EYS: variants seen among roughly 807,000 people sequenced by gnomAD.
EYS encodes the protein EGF-like photoreceptor maintenance factor.
A neutral mutation model predicts 282.1 loss-of-function variants in EYS; 250 were observed. That is an observed-to-expected ratio of 0.89 (90% CI 0.80 to 0.98). The LOEUF (loss-of-function observed/expected upper bound fraction) is 0.98. EYS is among the 50% of genes least tolerant of loss of function. EYS has a pLI of 0.00. For synonymous variants in EYS, 1,355 were observed against 1,282.9 expected, an observed-to-expected ratio of 1.06 and a Z score of -1.20; for missense variants, 4,016 against 3,709.0, an observed-to-expected ratio of 1.08 and a Z score of -2.15.
intron 22 of EYS, among the ~76,000 whole-genome samples, chr6:64,788,891 T>C (rs1222776557): frequency 6.6e-6 from 1 of 152,212 alleles, no homozygotes; most frequent in Non-Finnish European, 1.5e-5. Flanking sequence ...TTTTGTAGTG[T>C]TTGTGGAGTT....
At chr6:65,471,034 G>T (rs1182252056) in intron 5 of EYS, among the ~76,000 whole-genome samples, 2 of 151,948 alleles carry the variant, frequency 1.3e-5, no homozygotes, top group Non-Finnish European at 1.5e-5. Flanking sequence ...CTACTTGGGA[G>T]ACTGAGGCAG....
intron 14 of EYS, among the ~76,000 whole-genome samples, chr6:64,983,815 C>T (rs1368020087): frequency 1.3e-5 from 2 of 151,090 alleles, no homozygotes; most frequent in Non-Finnish European, 3.0e-5. Context: ...CTCCTGTACG[C>T]TAGTCCTTAA....
rs1315419046 is a variant in EYS at position 65,401,444 on chromosome 6, C to T, written c.1184+1034G>A. Among the ~76,000 whole-genome samples, 6 of 150,414 alleles carry T rather than the reference C, an allele frequency of 4.0e-5. No individual in the cohort carries two copies. In the East Asian group the frequency reaches 9.7e-4, roughly 24 times the overall value. ...TTTTCTAAGTACATTCACTAATCTA[C>T]TAGCACATTGAGGCATAGAAATAGA... is the stretch of plus-strand genomic sequence containing the variant. On this transcript the variant is annotated intron_variant, in intron 7 of 42. Transcript: ENST00000503581.
rs550089161 is a variant in EYS, at chr6:65,502,766, T to G, written c.-332-6773A>C. Among the ~76,000 whole-genome samples the G allele has an allele frequency of 7.0e-4, 106 of 151,764 alleles. 1 individual carries two copies. In the South Asian group the frequency reaches 0.022, roughly 31 times the overall value. ...GTATTTGTAGAAAACCCTGCAGTTATGATTCATCTGATTTCTTTTCCATTG... is the reference window on the plus strand; with the variant it reads ...GTATTTGTAGAAAACCCTGCAGTTAGGATTCATCTGATTTCTTTTCCATTG... On this transcript the variant is annotated intron_variant, in intron 2 of 42. Transcript: ENST00000503581.
rs745978966 is a variant in EYS, at chr6:64,907,516, A to G, written c.2641+4968T>C. Reference sequence around the variant, plus strand: ...CATGAACTTAGTTAAGAAGTGAGATATATTGGTAACCCAGCTGAGAGGGAT... The same window carrying G: ...CATGAACTTAGTTAAGAAGTGAGATGTATTGGTAACCCAGCTGAGAGGGAT... On this transcript the variant is annotated intron_variant, in intron 16 of 42. Coordinates refer to ENST00000503581, the MANE Select transcript of EYS (RefSeq NM_001142800.2). Among the ~76,000 whole-genome samples the G allele has an allele frequency of 1.4e-4, 21 of 152,356 alleles. 1 individual carries two copies. Among genetic ancestry groups the G allele is most frequent in the Non-Finnish European group, 2.5e-4 (17 of 68,030 alleles).
intron 30 of EYS, among the ~76,000 whole-genome samples, chr6:64,274,121 T>C (rs538377553): frequency 2.0e-5 from 3 of 152,224 alleles, no homozygotes; most frequent in Non-Finnish European, 2.9e-5. Flanking sequence ...AGGTATTCAC[T>C]TTCAGGTCTA....
intron 12 of EYS, among the ~76,000 whole-genome samples, chr6:65,170,434 GA>G (rs922151723): frequency 6.6e-6 from 1 of 151,534 alleles, no homozygotes; most frequent in Non-Finnish European, 1.5e-5. Context: ...AAGTGGGAAT[GA>G]AAATGAAAGC....
At chr6:64,317,494 CAGTT>C (rs200311234) in intron 29 of EYS, among the ~76,000 whole-genome samples, 1,564 of 152,116 alleles carry the variant, frequency 0.01, 30 homozygotes, top group African/African-American at 0.035. Context: ...TGTCTCATGT[CAGTT>C]AGAACTATGA....
intron 24 of EYS, among the ~76,000 whole-genome samples, chr6:64,616,253 T>A (rs748898078): frequency 6.6e-6 from 1 of 152,160 alleles, no homozygotes; most frequent in East Asian, 1.9e-4. Flanking sequence ...TGGTATAATC[T>A]GAGGTGTCAG....
At chr6:64,866,588 T>A (rs1454533856) in intron 19 of EYS, among the ~76,000 whole-genome samples, 1 of 151,810 alleles carries the variant, frequency 6.6e-6, no homozygotes, top group African/African-American at 2.4e-5. Context: ...AGATATAATT[T>A]TTATGATTCC....
intron 12 of EYS, among the ~76,000 whole-genome samples, chr6:65,287,709 G>T (rs192361625): frequency 6.6e-6 from 1 of 151,316 alleles, no homozygotes; most frequent in African/African-American, 2.4e-5. Context: ...CTTTCCATGA[G>T]TCTGTAATTC....
intron 31 of EYS, among the ~76,000 whole-genome samples, chr6:64,154,350 G>A (rs1440144397): frequency 2.7e-5 from 4 of 146,994 alleles, no homozygotes; most frequent in African/African-American, 1.0e-4. Context: ...TGAGCCAGGA[G>A]AATTGCCTGA....
intron 22 of EYS, among the ~76,000 whole-genome samples, chr6:64,721,870 A>G (rs1489033724): frequency 6.6e-6 from 1 of 152,186 alleles, no homozygotes; most frequent in African/African-American, 2.4e-5. Context: ...GTAGGGCTTC[A>G]GTTGGAACCA....
chr6:64,786,208 T>G (rs1230915643), intron 22 of EYS, among the ~76,000 whole-genome samples: 1 of 140,016 alleles, frequency 7.1e-6, no homozygotes, highest in Non-Finnish European at 1.6e-5. Context: ...TTTTTTTTGG[T>G]TTTAAGAAGC....
chr6:64,993,832 GT>G (rs1771159221), intron 14 of EYS, among the ~76,000 whole-genome samples: 1 of 149,716 alleles, frequency 6.7e-6, no homozygotes, highest in Admixed American at 6.7e-5. Flanking sequence ...TATAAATTCA[GT>G]TTGTTTTTGC....
chr6:65,072,612 G>A (rs1044699000), intron 12 of EYS, among the ~76,000 whole-genome samples: 11 of 151,770 alleles, frequency 7.2e-5, no homozygotes, highest in African/African-American at 2.7e-4. Context: ...AATCTGCAAT[G>A]TATTACTATT....
intron 12 of EYS, among the ~76,000 whole-genome samples, chr6:65,065,195 A>C (rs1323693952): frequency 6.6e-6 from 1 of 152,164 alleles, no homozygotes; most frequent in Non-Finnish European, 1.5e-5. Context: ...GGGGTGACAT[A>C]ATAAAATCAT....
intron 12 of EYS, among the ~76,000 whole-genome samples, chr6:65,165,008 C>T (rs912623713): frequency 1.3e-5 from 2 of 151,192 alleles, no homozygotes; most frequent in African/African-American, 4.8e-5. Context: ...AATTCTTAGG[C>T]AATGGGGTTT....
chr6:63,762,141 T>C (rs528746084), intron 41 of EYS, among the ~76,000 whole-genome samples: 16 of 152,138 alleles, frequency 1.1e-4, no homozygotes, highest in African/African-American at 3.9e-4. Flanking sequence ...AGAGATGAAG[T>C]CTTGATCTGG....
Sources: allele counts gnomAD v4.1 joint callset (sites outside exome capture counted in the v4.1 genomes callset), GRCh38; gene constraint gnomAD v4.1.1; transcripts MANE v1.5; gene names NCBI Gene and HGNC (gene_info 2026-07-23, HGNC 2026-07-21).